CCDC39: variants seen among roughly 807,000 people sequenced by gnomAD.
CCDC39 encodes the protein coiled-coil domain-containing protein 39.
Under a neutral mutation model 121.0 loss-of-function variants are expected in CCDC39, and 113 were observed. The ratio of observed to expected loss-of-function variants is 0.93; its 90% CI spans 0.80 to 1.09. The LOEUF (loss-of-function observed/expected upper bound fraction) is 1.09. Among genes scored for constraint, CCDC39 ranks in the 50% least tolerant of loss-of-function variants. The pLI, the probability that CCDC39 is intolerant of heterozygous loss-of-function variation, is 0.00. For missense variants in CCDC39, 1,063 were observed against 1,074.7 expected (o/e 0.99, Z 0.15); for synonymous variants, 349 against 352.2 (o/e 0.99, Z 0.10).
In CCDC39 at chr3:180,663,883, T is replaced by C; in HGVS notation, c.194A>G (p.Glu65Gly). The part of the protein sequence containing the change: ...MTSHFKNVKQ[E>G]LSITQSLCKA... ...TTACTGTACCTGTGTAATTGAGAGC[T>C]CTTGCTTAACATTTTTGAAGTGAGA... is the stretch of plus-strand genomic sequence containing the variant. Residue 65 changes from glutamate to glycine, a missense_variant, in exon 2 of 20, where the codon GAG (glutamate) becomes GGG (glycine). Physicochemically the swap from Glu to Gly is moderately conservative, Grantham distance 98. Transcript: ENST00000476379. The C allele has an allele frequency of 6.2e-7, 1 of 1,612,698 alleles. No individual in the cohort carries two copies. Among genetic ancestry groups the C allele is most frequent in the East Asian group, 2.2e-5 (1 of 44,812 alleles).
chr3:180,625,837 G>C (rs563398917), intron 14 of CCDC39, among the ~76,000 whole-genome samples: 68 of 151,770 alleles, frequency 4.5e-4, no homozygotes, highest in Non-Finnish European at 8.8e-4. Flanking sequence ...AGGATGCCAG[G>C]TAAGCCTGTC....
intron 13 of CCDC39, among the ~76,000 whole-genome samples, chr3:180,634,513 A>G (rs886800882): frequency 4.6e-5 from 7 of 152,054 alleles, no homozygotes; most frequent in Non-Finnish European, 8.8e-5. Context: ...CAGGAGACAA[A>G]AGACCCTCAG....
At chr3:180,619,665 C>T (rs1007538677) in intron 15 of CCDC39, 146 bp downstream of exon 15, 62 of 563,878 alleles carry the variant, frequency 1.1e-4, no homozygotes, top group African/African-American at 9.3e-4. Context: ...AAAAAAATGT[C>T]GTGGGGGGAG....
intron 1 of CCDC39, among the ~76,000 whole-genome samples, chr3:180,676,109 A>G (rs1419200926): frequency 6.6e-6 from 1 of 152,206 alleles, no homozygotes; most frequent in Non-Finnish European, 1.5e-5. Flanking sequence ...CTAAAACACC[A>G]AAAGCAATGG....
intron 14 of CCDC39, among the ~76,000 whole-genome samples, chr3:180,628,233 C>T (rs558472995): frequency 1.1e-3 from 163 of 152,090 alleles, no homozygotes; most frequent in Non-Finnish European, 1.7e-3. Flanking sequence ...TTTTTTGAGA[C>T]GGAGTCTCAC....
intron 13 of CCDC39, among the ~76,000 whole-genome samples, chr3:180,634,791 G>T (rs185878914): frequency 6.6e-6 from 1 of 152,218 alleles, no homozygotes; most frequent in East Asian, 1.9e-4. Flanking sequence ...ACACCCCAAA[G>T]CTTCAACACC....
At chr3:180,638,576 A>T (rs950441597) in intron 13 of CCDC39, among the ~76,000 whole-genome samples, 3 of 152,098 alleles carry the variant, frequency 2.0e-5, no homozygotes, top group East Asian at 1.9e-4. Context: ...AGAAGTTTTT[A>T]AAAAAGTAAA....
chr3:180,631,022 A>G lies in CCDC39; in HGVS notation c.1998+447T>C, dbSNP rs1717679306. On this transcript the variant is annotated intron_variant, in intron 14 of 19. Transcript: ENST00000476379. The stretch of plus-strand genomic sequence containing the variant: ...GGAAAGCTTTAAGCCTCAATTGTTG[A>G]ACAGGTTGTCACATGCATACCAAAG... Among the ~76,000 whole-genome samples, 3 of 152,208 alleles carry G rather than the reference A, an allele frequency of 2.0e-5. No individual in the cohort carries two copies. The South Asian group carries it at 6.2e-4, about 31-fold the overall frequency.
intron 4 of CCDC39, among the ~76,000 whole-genome samples, chr3:180,660,219 G>C (rs1576949706): frequency 6.6e-6 from 1 of 152,048 alleles, no homozygotes; most frequent in South Asian, 2.1e-4. Flanking sequence ...CTACATTTTA[G>C]GCAAAATAGC....
intron 14 of CCDC39, among the ~76,000 whole-genome samples, chr3:180,621,533 TGTC>T (rs1717432740): frequency 6.6e-6 from 1 of 152,136 alleles, no homozygotes; most frequent in Non-Finnish European, 1.5e-5. Flanking sequence ...GCCATTTGTT[TGTC>T]TTCTTTTGAA....
chr3:180,619,759 C>T (rs1174427987), intron 15 of CCDC39, 52 bp downstream of exon 15: 2 of 1,067,246 alleles, frequency 1.9e-6, no homozygotes, highest in African/African-American at 3.3e-5. Context: ...TTCCTTTTAA[C>T]TATACACTCG....
intron 7 of CCDC39, among the ~76,000 whole-genome samples, chr3:180,652,599 A>G (rs1316772729): frequency 1.3e-5 from 2 of 152,194 alleles, no homozygotes; most frequent in Non-Finnish European, 2.9e-5. Flanking sequence ...AAGAATCATA[A>G]GTTTAACTGG....
At chr3:180,632,429 C>T (rs1717722600) in intron 13 of CCDC39, among the ~76,000 whole-genome samples, 1 of 152,144 alleles carries the variant, frequency 6.6e-6, no homozygotes, top group Admixed American at 6.5e-5. Context: ...AAGAAATCCT[C>T]AACCTACCAG....
At chr3:180,642,270 G>T in intron 12 of CCDC39, 69 bp from the exon 13 acceptor site, 1 of 905,132 alleles carries the variant, frequency 1.1e-6, no homozygotes, top group Non-Finnish European at 1.6e-6. Flanking sequence ...TTTTTTTATT[G>T]CTATATAAGT....
intron 1 of CCDC39, among the ~76,000 whole-genome samples, chr3:180,670,014 G>A (rs1303130261): frequency 3.9e-5 from 6 of 151,976 alleles, no homozygotes; most frequent in Non-Finnish European, 7.4e-5. Context: ...CTGGCACATA[G>A]TAATCTCTTG....
At chr3:180,666,396 T>A (rs987260514) in intron 1 of CCDC39, among the ~76,000 whole-genome samples, 4 of 152,178 alleles carry the variant, frequency 2.6e-5, no homozygotes, top group Admixed American at 2.6e-4. Context: ...CTCTATGTTT[T>A]TACTTTTATT....
At position 180,639,282 on chromosome 3, in the gene CCDC39, C is replaced by G. The variant is rs139151387; in HGVS notation, c.1874+2711G>C. ...TTCATAAAGTTTTAATGGAAAATAG[C>G]CATGCTCATCTTTGACAGTGTCTGT... On this transcript the variant is annotated intron_variant, in intron 13 of 19. Coordinates refer to ENST00000476379, the MANE Select transcript of CCDC39 (RefSeq NM_181426.2). 5.0e-3 allele frequency among the ~76,000 whole-genome samples: 762 copies of G among 152,096 alleles called. 9 individuals are homozygous for G. The highest frequency in any genetic ancestry group is 0.041 in the East Asian group (211 of 5,180).
intron 11 of CCDC39, among the ~76,000 whole-genome samples, chr3:180,644,914 C>A (rs1220885641): frequency 2.6e-5 from 4 of 152,050 alleles, no homozygotes; most frequent in African/African-American, 9.7e-5. Context: ...GGAGCATACA[C>A]CAGTTCATCA....
chr3:180,651,803 C>T (rs887339919), intron 8 of CCDC39, among the ~76,000 whole-genome samples: 15 of 152,084 alleles, frequency 9.9e-5, no homozygotes, highest in Non-Finnish European at 1.2e-4. Flanking sequence ...TTTGGGAGGC[C>T]AAGGCGGGCA....
Sources: allele counts gnomAD v4.1 joint callset (sites outside exome capture counted in the v4.1 genomes callset), GRCh38; gene constraint gnomAD v4.1.1; transcripts MANE v1.5; gene names NCBI Gene and HGNC (gene_info 2026-07-23, HGNC 2026-07-21).